The following NPNT variants were observed in gnomAD, a reference collection of about 807,000 sequenced individuals.
NPNT encodes preosteoblast EGF-like repeat protein with MAM domain.
Under a neutral mutation model 68.6 loss-of-function variants are expected in NPNT, and 45 were observed. The ratio of observed to expected loss-of-function variants is 0.66; its 90% CI spans 0.52 to 0.84. The LOEUF (loss-of-function observed/expected upper bound fraction) is 0.84. Ranked by LOEUF, NPNT falls within the 40% of genes least tolerant of loss-of-function variation. The pLI, the probability that NPNT is intolerant of heterozygous loss-of-function variation, is 0.00. For synonymous variants in NPNT, 233 were observed against 253.3 expected (o/e 0.92, Z 0.76); for missense variants, 672 against 714.8 (o/e 0.94, Z 0.68).
chr4:105,930,564 A>G (rs982627977), intron 3 of NPNT, among the ~76,000 whole-genome samples: 4 of 152,238 alleles, frequency 2.6e-5, no homozygotes, highest in African/African-American at 7.2e-5. Flanking sequence ...AGTAGAAAAT[A>G]TGCTTCACAG....
At position 105,932,616 on chromosome 4, in the gene NPNT, G is replaced by A. The variant is rs547311931; in HGVS notation, c.266-4393G>A. The A allele has an allele frequency of 1.8e-4, 279 of 1,534,744 alleles. No individual in the cohort carries two copies. Among genetic ancestry groups the A allele is most frequent in the Non-Finnish European group, 2.2e-4 (252 of 1,145,840 alleles). ...ATTACCTTCTTCCTGGTGTGAAGAC[G>A]AGCACATCCCAGCTCCTCTTGACCA... On this transcript the variant is annotated intron_variant, in intron 3 of 11. Transcript: ENST00000379987.
chr4:105,937,201 G>A (rs1335769038), intron 4 of NPNT, 73 bp downstream of exon 4: 2 of 1,506,578 alleles, frequency 1.3e-6, no homozygotes, highest in Non-Finnish European at 1.8e-6. Context: ...GCTTGCTTTT[G>A]TGAAAATGGC....
At chr4:105,907,967 A>T (rs1727050073) in intron 2 of NPNT, among the ~76,000 whole-genome samples, 1 of 152,118 alleles carries the variant, frequency 6.6e-6, no homozygotes, top group South Asian at 2.1e-4. Flanking sequence ...AAATAGTGAC[A>T]TCTATTTTTT....
At position 105,895,659 on chromosome 4, in the gene NPNT, T is replaced by G. The variant is rs1013127198; in HGVS notation, c.7T>G (p.Phe3Val). MD[F>V]LLALVLVSSL... ...CCAGGACCCGCTGCCCAACATGGATTTTCTCCTGGCGCTGGTGCTGGTATC... is the reference window on the plus strand; with the variant it reads ...CCAGGACCCGCTGCCCAACATGGATGTTCTCCTGGCGCTGGTGCTGGTATC... Residue 3 changes from phenylalanine to valine, a missense_variant, in exon 1 of 12, where the codon TTT becomes GTT. Coordinates refer to ENST00000379987, the MANE Select transcript of NPNT (RefSeq NM_001033047.3). The G allele has an allele frequency of 1.6e-5, 25 of 1,551,038 alleles. No homozygotes were observed. The highest frequency in any genetic ancestry group is 5.9e-5 in the Admixed American group (3 of 51,242).
chr4:105,906,467 A>G (rs888796775), intron 2 of NPNT, among the ~76,000 whole-genome samples: 7 of 151,402 alleles, frequency 4.6e-5, no homozygotes, highest in Non-Finnish European at 1.0e-4. Context: ...TTCTATACAT[A>G]GTTTAAGAAG....
intron 2 of NPNT, among the ~76,000 whole-genome samples, chr4:105,920,609 A>G (rs1728190626): frequency 6.6e-6 from 1 of 151,828 alleles, no homozygotes; most frequent in African/African-American, 2.4e-5. Flanking sequence ...AATTATGACA[A>G]ATAAAAGCTA....
intron 3 of NPNT, among the ~76,000 whole-genome samples, chr4:105,930,326 G>A (rs1039338075): frequency 2.0e-5 from 3 of 152,168 alleles, no homozygotes; most frequent in Non-Finnish European, 4.4e-5. Context: ...CCTGAACACT[G>A]TGGAAGCTTG....
intron 10 of NPNT, among the ~76,000 whole-genome samples, chr4:105,960,001 T>G (rs534153839): frequency 5.5e-4 from 83 of 151,946 alleles, no homozygotes; most frequent in Admixed American, 2.2e-3. Context: ...TAGTAGAGAC[T>G]AGGTTTCACC....
chr4:105,896,352 T>C (rs748763396), intron 1 of NPNT, among the ~76,000 whole-genome samples: 12 of 152,054 alleles, frequency 7.9e-5, no homozygotes, highest in African/African-American at 2.9e-4. Context: ...GCGCCGCTCC[T>C]CAGACTCGGG....
intron 2 of NPNT, among the ~76,000 whole-genome samples, chr4:105,916,748 A>G (rs1375160837): frequency 6.6e-6 from 1 of 152,148 alleles, no homozygotes; most frequent in Non-Finnish European, 1.5e-5. Flanking sequence ...CTGCTAGACT[A>G]TTAGTTTCAT....
intron 10 of NPNT, among the ~76,000 whole-genome samples, chr4:105,966,773 C>T (rs976804745): frequency 6.6e-6 from 1 of 152,020 alleles, no homozygotes; most frequent in Non-Finnish European, 1.5e-5. Flanking sequence ...CCAGAAAATT[C>T]TCCCTAGAAA....
intron 4 of NPNT, 65 bp from the exon 5 acceptor site, chr4:105,938,236 A>G (rs1729647598): frequency 3.2e-6 from 5 of 1,546,832 alleles, no homozygotes; most frequent in African/African-American, 1.4e-5. Context: ...GTGAAAAAAC[A>G]TAGCTATTTC....
rs569945882 is a variant in NPNT at position 105,922,659 on chromosome 4, G to A, written c.173-4677G>A. Among the ~76,000 whole-genome samples, 51 of 152,100 alleles carry A rather than the reference G, an allele frequency of 3.4e-4. 1 individual carries two copies. The South Asian group carries it at 0.01, about 31-fold the overall frequency. Reference sequence around the variant, plus strand: ...GATTGCAATCAAACAGAAGAGGCTTGGACATGTGACATTAAAGAGCTATGT... The same window carrying A: ...GATTGCAATCAAACAGAAGAGGCTTAGACATGTGACATTAAAGAGCTATGT... On this transcript the variant is annotated intron_variant, in intron 2 of 11. Transcript: ENST00000379987.
chr4:105,909,636 G>C (rs1396359022), intron 2 of NPNT, among the ~76,000 whole-genome samples: 4 of 152,108 alleles, frequency 2.6e-5, no homozygotes, highest in African/African-American at 9.7e-5. Context: ...CTGGATGTTG[G>C]TGTTATAAAT....
At chr4:105,938,490 G>A in intron 5 of NPNT, 70 bp downstream of exon 5, 4 of 1,512,456 alleles carry the variant, frequency 2.6e-6, no homozygotes, top group Admixed American at 2.0e-5. Flanking sequence ...AAAGGTGATG[G>A]GAATAAGGAA....
intron 10 of NPNT, among the ~76,000 whole-genome samples, chr4:105,964,811 A>G (rs1216202175): frequency 6.6e-6 from 1 of 152,208 alleles, no homozygotes. Flanking sequence ...CTTAACATGC[A>G]AATTTGGAAA....
intron 3 of NPNT, among the ~76,000 whole-genome samples, chr4:105,936,408 C>T (rs1381373672): frequency 3.3e-5 from 5 of 150,616 alleles, no homozygotes; most frequent in East Asian, 2.0e-4. Flanking sequence ...TAATTTATTT[C>T]GTTCTTATCC....
At chr4:105,937,237 T>G (rs571904442) in intron 4 of NPNT, 109 bp downstream of exon 4, 38 of 1,051,386 alleles carry the variant, frequency 3.6e-5, no homozygotes, top group African/African-American at 2.1e-4. Flanking sequence ...AAACAAGATG[T>G]GTGCGTGTGT....
chr4:105,943,127 A>G (rs533084512), intron 8 of NPNT, among the ~76,000 whole-genome samples: 3 of 152,350 alleles, frequency 2.0e-5, no homozygotes, highest in African/African-American at 4.8e-5. Context: ...ATGTAAAGAT[A>G]AAACAGAAAA....
Sources: gnomAD v4.1 joint callset for allele counts (sites outside exome capture counted in the v4.1 genomes callset) on GRCh38, gnomAD v4.1.1 for gene constraint, MANE v1.5 for transcripts, NCBI Gene and HGNC (gene_info 2026-07-23, HGNC 2026-07-21) for gene names.